Variants in DLX2 observed in about 807,000 individuals in gnomAD.
DLX2 encodes distal-less homeobox 2.
DLX2 carries 8 observed loss-of-function variants against 27.4 expected under a neutral mutation model. The ratio of observed to expected loss-of-function variants is 0.29; its 90% CI spans 0.17 to 0.53. The LOEUF is 0.53. Ranked by LOEUF, DLX2 falls within the 20% of genes least tolerant of loss-of-function variation. The probability of loss-of-function intolerance (pLI) is 0.96; values close to 1 mark genes in which losing one functional copy is unlikely to be tolerated. For synonymous variants in DLX2, 210 were observed against 200.8 expected (o/e 1.05, Z -0.39); for missense variants, 421 against 450.9 (o/e 0.93, Z 0.60).
In DLX2 at chr2:172,100,426, G is replaced by T. The variant is rs1691130827; in HGVS notation, c.*117C>A. On this transcript the variant is annotated 3_prime_UTR_variant, in exon 3 of 3. Transcript: ENST00000234198. The surrounding 1 kb of genome is among the most constrained non-coding windows in gnomAD (Gnocchi z 4.5). ...GGCCTGAGACGGGCCACTGCAGGTC[G>T]CAGCCTGCAGGAGAGGTGGGTGGCG... 1.7e-6 allele frequency: 2 copies of T among 1,194,398 alleles called. No homozygotes were observed. The highest frequency in any genetic ancestry group is 2.3e-6 in the Non-Finnish European group (2 of 884,502). 74.0% of individuals were successfully genotyped at this position (1,194,398 alleles called of 1,614,324 possible). A position where few individuals can be genotyped will look rare whatever the true frequency, so the allele number is the denominator to read the frequency against.
chr2:172,102,489 A>G lies in DLX2; in HGVS notation c.50T>C (p.Ile17Thr). Reference sequence around the variant, plus strand: ...CTGGTGGTACGTGCTGGAGGCGGCGATCTGGGTCGAGTGCATATCAGCCAC... The same window carrying G: ...CTGGTGGTACGTGCTGGAGGCGGCGGTCTGGGTCGAGTGCATATCAGCCAC... ...SLVADMHSTQ[I>T]AASSTYHQHQ... The change falls in exon 1 of 3, where the codon ATC becomes ACC. Residue 17 changes from isoleucine to threonine, a missense_variant. By Grantham distance (89) the Ile-to-Thr change is moderately conservative. Coordinates refer to ENST00000234198, the MANE Select transcript of DLX2 (RefSeq NM_004405.4). The G allele has an allele frequency of 6.5e-7, 1 of 1,548,920 alleles. No individual in the cohort carries two copies. The highest frequency in any genetic ancestry group is 8.7e-7 in the Non-Finnish European group (1 of 1,146,510).
Position 172,100,552 on chromosome 2 carries a change from C to A in DLX2, c.978G>T (p.Thr326=). ...GGGGAPVSAG[T]IF ...CGAGTTCTCCCTGGGGTTAGAAAAT[C>A]GTCCCCGCGCTCACCGGGGCGCCCC... Residue 326 remains threonine, a synonymous_variant, in exon 3 of 3, where the codon ACG becomes ACT. Transcript: ENST00000234198. This position sits in a 1 kb window ranked among gnomAD's most constrained non-coding sequence, Gnocchi z 4.5. 1 of 1,573,502 alleles carries A rather than the reference C, an allele frequency of 6.4e-7. No homozygotes were observed. Among genetic ancestry groups the A allele is most frequent in the East Asian group, 2.4e-5 (1 of 41,724 alleles).
Position 172,100,270 on chromosome 2 carries a change from C to G in DLX2, c.*273G>C. ...ACCCGGAGGGGAGGGAAGGCAAGTC[C>G]GAGGCGGGGCTCGAAACAGCCGAGA... On this transcript the variant is annotated 3_prime_UTR_variant, in exon 3 of 3. Coordinates refer to ENST00000234198, the MANE Select transcript of DLX2 (RefSeq NM_004405.4). The surrounding 1 kb of genome is among the most constrained non-coding windows in gnomAD (Gnocchi z 4.5). 2.7e-6 allele frequency: 1 copy of G among 376,592 alleles called. No individual in the cohort carries two copies. The allele number at this position is 376,592 out of a possible 1,614,324, so 23.3% of individuals were successfully genotyped here. A position where few individuals can be genotyped will look rare whatever the true frequency, so the allele number is the denominator to read the frequency against.
chr2:172,102,149 G>C lies in DLX2; in HGVS notation c.390C>G (p.Asn130Lys). 6.2e-7 allele frequency: 1 copy of C among 1,613,650 alleles called. No individual in the cohort carries two copies. The highest frequency in any genetic ancestry group is 8.5e-7 in the Non-Finnish European group (1 of 1,179,746). The stretch of plus-strand genomic sequence containing the variant: ...CAGCGTTATGCATACCAGGCTCGTT[G>C]TTGGCTGGGGACGAACTGGTTCCAT... ...APYGTSSSPANNEPEKEDLEP... is the reference protein window; with the variant it reads ...APYGTSSSPAKNEPEKEDLEP... Residue 130 changes from asparagine to lysine, a missense_variant, in exon 1 of 3, where the codon AAC becomes AAG. Physicochemically the swap from Asn to Lys is moderately conservative, Grantham distance 94. This residue lies in a region of DLX2 where 141 missense variants were observed against 123.5 expected (regional missense o/e 1.14). Coordinates refer to ENST00000234198, the MANE Select transcript of DLX2 (RefSeq NM_004405.4).
In DLX2 at chr2:172,100,419, G is replaced by T; in HGVS notation, c.*124C>A. 1 of 1,112,854 alleles carries T rather than the reference G, an allele frequency of 9.0e-7. No homozygotes were observed. The highest frequency in any genetic ancestry group is 1.2e-6 in the Non-Finnish European group (1 of 812,690). The allele number at this position is 1,112,854 out of a possible 1,614,324, so 68.9% of individuals were successfully genotyped here. On this transcript the variant is annotated 3_prime_UTR_variant, in exon 3 of 3. Coordinates refer to ENST00000234198, the MANE Select transcript of DLX2 (RefSeq NM_004405.4). This position sits in a 1 kb window ranked among gnomAD's most constrained non-coding sequence, Gnocchi z 4.5. ...TGAGCAGGGCCTGAGACGGGCCACT[G>T]CAGGTCGCAGCCTGCAGGAGAGGTG...
chr2:172,102,447 C>T lies in DLX2; in HGVS notation c.92G>A (p.Ser31Asn), dbSNP rs1233281377. 1 of 1,549,796 alleles carries T rather than the reference C, an allele frequency of 6.5e-7. No homozygotes were observed. Among genetic ancestry groups the T allele is most frequent in the South Asian group, 1.2e-5 (1 of 84,018 alleles). The change falls in exon 1 of 3, where the codon AGC (serine) becomes AAC (asparagine). Residue 31 changes from serine (S) to asparagine (N), a missense_variant. This residue lies in a region of DLX2 where 53 missense variants were observed against 59.5 expected (regional missense o/e 0.89). Transcript: ENST00000234198. The stretch of plus-strand genomic sequence containing the variant: ...GCCACCCGGGCCGGCGCCGCCGCCG[C>T]TCGGGGGCTGCTGGTGCTGGTGGTA... ...STYHQHQQPP[S>N]GGGAGPGGNS...
At chr2:172,101,894 C>T (rs1024714470) in intron 1 of DLX2, among the ~76,000 whole-genome samples, 33 of 152,228 alleles carry the variant, frequency 2.2e-4, no homozygotes, top group African/African-American at 8.0e-4. Context: ...AGGAGATGCC[C>T]TTATGAGGCA....
chr2:172,102,645 G>T lies in DLX2; in HGVS notation c.-107C>A, dbSNP rs1691186532. On this transcript the variant is annotated 5_prime_UTR_variant, in exon 1 of 3. Transcript: ENST00000234198. The stretch of plus-strand genomic sequence containing the variant: ...CAGCAGCCAATGTAATTACGGGGGT[G>T]GTGGTGGGGAAACAAGAAAGGAGGC... 1.7e-6 allele frequency: 2 copies of T among 1,184,832 alleles called. No individual in the cohort carries two copies. Among genetic ancestry groups the T allele is most frequent in the African/African-American group, 1.6e-5 (1 of 63,442 alleles). 73.4% of individuals were successfully genotyped at this position (1,184,832 alleles called of 1,614,324 possible). A position where few individuals can be genotyped will look rare whatever the true frequency, so the allele number is the denominator to read the frequency against.
In DLX2 at chr2:172,102,385, C is replaced by G; in HGVS notation, c.154G>C (p.Glu52Gln). 17 of 1,559,552 alleles carry G rather than the reference C, an allele frequency of 1.1e-5. No homozygotes were observed. Among genetic ancestry groups the G allele is most frequent in the Non-Finnish European group, 1.4e-5 (16 of 1,151,804 alleles). ...GTGGACACCGGAAGGGTGGGCGACT[C>G]CTGGGGCTTGTGGAGGCTGCTGCTG... ...SSSSSLHKPQESPTLPVSTAT... is the reference protein window; with the variant it reads ...SSSSSLHKPQQSPTLPVSTAT... The change falls in exon 1 of 3, where the codon GAG becomes CAG. Residue 52 changes from glutamate to glutamine, a missense_variant. Glu to Gln is a conservative substitution (Grantham distance 29, BLOSUM62 2). Coordinates refer to ENST00000234198, the MANE Select transcript of DLX2 (RefSeq NM_004405.4).
At position 172,102,601 on chromosome 2, in the gene DLX2, T is replaced by G; in HGVS notation, c.-63A>C. Reference sequence around the variant, plus strand: ...TGCGGGGGAAGCCAGGCGCCTCCTCTGTCTCTCCCGGTCCCCTCCAGCAGC... The same window carrying G: ...TGCGGGGGAAGCCAGGCGCCTCCTCGGTCTCTCCCGGTCCCCTCCAGCAGC... On this transcript the variant is annotated 5_prime_UTR_variant, in exon 1 of 3. Coordinates refer to ENST00000234198, the MANE Select transcript of DLX2 (RefSeq NM_004405.4). 2 of 1,431,256 alleles carry G rather than the reference T, an allele frequency of 1.4e-6. No individual in the cohort carries two copies. Among genetic ancestry groups the G allele is most frequent in the Non-Finnish European group, 1.9e-6 (2 of 1,080,808 alleles). The allele number at this position is 1,431,256 out of a possible 1,614,324, so 88.7% of individuals were successfully genotyped here.
intron 2 of DLX2, 58 bp downstream of exon 2, chr2:172,101,404 T>C (rs1302273186): frequency 4.6e-6 from 7 of 1,507,690 alleles, no homozygotes; most frequent in South Asian, 1.2e-5. Flanking sequence ...TAAACCCGCC[T>C]GCTTCCCAGC....
At chr2:172,102,085 T>C in intron 1 of DLX2, 54 bp downstream of exon 1, 4 of 1,566,810 alleles carry the variant, frequency 2.6e-6, no homozygotes, top group Middle Eastern at 1.7e-4. Flanking sequence ...CGTTTACCCA[T>C]CCATCCCATT....
At position 172,100,782 on chromosome 2, in the gene DLX2, C is replaced by A. The variant is rs569101497; in HGVS notation, c.748G>T (p.Ala250Ser). The A allele has an allele frequency of 6.3e-7, 1 of 1,588,582 alleles. No homozygotes were observed. Among genetic ancestry groups the A allele is most frequent in the East Asian group, 2.3e-5 (1 of 43,868 alleles). The change falls in exon 3 of 3, where the codon GCG becomes TCG. Residue 250 changes from alanine (A) to serine (S), a missense_variant. Ala to Ser is a moderately conservative substitution (Grantham distance 99). Transcript: ENST00000234198. The surrounding 1 kb of genome is among the most constrained non-coding windows in gnomAD (Gnocchi z 4.5). ...SWDFGVPQRM[A>S]GGGGPGSGGS... ...CCACTGCCCGGACCACCGCCGCCCG[C>A]CATCCGCTGCGGCACACCAAAGTCC...
At position 172,099,523 on chromosome 2, in the gene DLX2, C is replaced by A. The variant is rs1316730895; in HGVS notation, c.*1020G>T. The A allele has an allele frequency of 6.6e-6, 1 of 152,492 alleles. No homozygotes were observed. The highest frequency in any genetic ancestry group is 1.5e-5 in the Non-Finnish European group (1 of 67,992). 9.4% of individuals were successfully genotyped at this position (152,492 alleles called of 1,614,324 possible). Reference sequence around the variant, plus strand: ...GCATGTTGTTTTCATAATAAATAACCCCAAAATACCTTTCATTTCAACAAC... The same window carrying A: ...GCATGTTGTTTTCATAATAAATAACACCAAAATACCTTTCATTTCAACAAC... On this transcript the variant is annotated 3_prime_UTR_variant, in exon 3 of 3. Coordinates refer to ENST00000234198, the MANE Select transcript of DLX2 (RefSeq NM_004405.4).
chr2:172,100,538 TG>T lies in DLX2; in HGVS notation c.*4del. The stretch of plus-strand genomic sequence containing the variant: ...CTCTCAGTCTCTGGCGAGTTCTCCC[TG>T]GGGTTAGAAAATCGTCCCCGCGCTC... On this transcript the variant is annotated 3_prime_UTR_variant, in exon 3 of 3. Transcript: ENST00000234198. This position sits in a 1 kb window ranked among gnomAD's most constrained non-coding sequence, Gnocchi z 4.5. 6.4e-7 allele frequency: 1 copy of T among 1,567,136 alleles called. No individual in the cohort carries two copies. Among genetic ancestry groups the T allele is most frequent in the Non-Finnish European group, 8.6e-7 (1 of 1,162,010 alleles).
chr2:172,102,714 C>G lies in DLX2; in HGVS notation c.-176G>C. 4 of 627,106 alleles carry G rather than the reference C, an allele frequency of 6.4e-6. No homozygotes were observed. The highest frequency in any genetic ancestry group is 1.9e-5 in the African/African-American group (1 of 52,054). 38.8% of individuals were successfully genotyped at this position (627,106 alleles called of 1,614,324 possible). A position where few individuals can be genotyped will look rare whatever the true frequency, so the allele number is the denominator to read the frequency against. On this transcript the variant is annotated 5_prime_UTR_variant, in exon 1 of 3. Transcript: ENST00000234198. ...TCCTCCGGGGGAGGCGATCACCGTG[C>G]GCTGCTCGGGACAGCTGCCTCTGGT...
rs759220896 is a variant in DLX2 at position 172,101,602 on chromosome 2, G to A, written c.445C>T (p.Pro149Ser). 7.9e-5 allele frequency: 128 copies of A among 1,614,246 alleles called. 3 individuals are homozygous for A. The South Asian group carries it at 1.3e-3, about 17-fold the overall frequency. ...EPEIRIVNGK[P>S]KKVRKPRTIY... ...GTGCGGGGTTTCCGGACTTTCTTTG[G>A]CTTCCCGTTCACTATCCGAATTTCA... The change falls in exon 2 of 3, where the codon CCA becomes TCA. Residue 149 changes from proline (P) to serine (S), a missense_variant. This residue lies in a region of DLX2 where 141 missense variants were observed against 123.5 expected (regional missense o/e 1.14). Coordinates refer to ENST00000234198, the MANE Select transcript of DLX2 (RefSeq NM_004405.4).
chr2:172,100,609 C>T lies in DLX2; in HGVS notation c.921G>A (p.Gln307=), dbSNP rs774429291. Residue 307 remains glutamine (Q), a synonymous_variant, in exon 3 of 3, where the codon CAG becomes CAA. Transcript: ENST00000234198. The surrounding 1 kb of genome is among the most constrained non-coding windows in gnomAD (Gnocchi z 4.5). The part of the protein sequence containing the change: ...APLLHPTQTP[Q]PHHHHHHHGG... ...CGTGATGGTGGTGGTGGTGATGCGGCTGCGGGGTCTGAGTGGGGTGCAGCA... is the reference window on the plus strand; with the variant it reads ...CGTGATGGTGGTGGTGGTGATGCGGTTGCGGGGTCTGAGTGGGGTGCAGCA... 8 of 1,572,100 alleles carry T rather than the reference C, an allele frequency of 5.1e-6. No homozygotes were observed. In the African/African-American group the frequency reaches 8.4e-5, roughly 17 times the overall value.
intron 2 of DLX2, 125 bp from the exon 3 acceptor site, chr2:172,101,069 G>A: frequency 9.7e-7 from 1 of 1,035,668 alleles, no homozygotes; most frequent in Non-Finnish European, 1.4e-6. Context: ...GCGCCCTGGG[G>A]AGATAAGAGG....
Sources: gnomAD v4.1 joint callset for allele counts (sites outside exome capture counted in the v4.1 genomes callset) on GRCh38, gnomAD v4.1.1 for gene constraint, gnomAD v4.1.1 regional missense constraint, Gnocchi (gnomAD v3.1) non-coding constraint, MANE v1.5 for transcripts, NCBI Gene and HGNC (gene_info 2026-07-23, HGNC 2026-07-21) for gene names.